The following KCND2 variants were observed in gnomAD, a reference collection of about 807,000 sequenced individuals.
KCND2 encodes the protein potassium voltage-gated channel subfamily D member 2.
In KCND2, 16 loss-of-function variants were observed where a neutral mutation model predicts 54.4. That is an observed-to-expected ratio of 0.29 (90% CI 0.20 to 0.45). The LOEUF (loss-of-function observed/expected upper bound fraction) is 0.45. Ranked by LOEUF, KCND2 falls within the 20% of genes least tolerant of loss-of-function variation. The pLI, the probability that KCND2 is intolerant of heterozygous loss-of-function variation, is 1.00. For synonymous variants in KCND2, 317 were observed against 310.7 expected, an observed-to-expected ratio of 1.02 and a Z score of -0.21; for missense variants, 486 against 824.2, an observed-to-expected ratio of 0.59 and a Z score of 5.02.
At chr7:120,619,616 A>T (rs1026466815) in intron 1 of KCND2, among the ~76,000 whole-genome samples, 1 of 152,218 alleles carries the variant, frequency 6.6e-6, no homozygotes, top group Non-Finnish European at 1.5e-5. Context: ...TTCACTGTTC[A>T]TGCAGACACT....
chr7:120,341,122 T>C (rs1800234295), intron 1 of KCND2, among the ~76,000 whole-genome samples: 1 of 152,134 alleles, frequency 6.6e-6, no homozygotes, highest in African/African-American at 2.4e-5. Flanking sequence ...TATGAGGCTG[T>C]GAGACTTTCT....
At chr7:120,588,871 A>G (rs941143996) in intron 1 of KCND2, among the ~76,000 whole-genome samples, 6 of 152,306 alleles carry the variant, frequency 3.9e-5, no homozygotes, top group African/African-American at 1.4e-4. Context: ...TGCCCATCTG[A>G]CAGAATTTTA....
intron 1 of KCND2, among the ~76,000 whole-genome samples, chr7:120,610,436 A>G (rs1792938059): frequency 6.6e-6 from 1 of 152,140 alleles, no homozygotes; most frequent in Non-Finnish European, 1.5e-5. Flanking sequence ...ACCAAAATGA[A>G]GGGAAAATAG....
At chr7:120,538,605 G>A (rs1207801035) in intron 1 of KCND2, among the ~76,000 whole-genome samples, 1 of 152,150 alleles carries the variant, frequency 6.6e-6, no homozygotes, top group Non-Finnish European at 1.5e-5. Context: ...GGCACTGCTG[G>A]CAGCTGGGCT....
chr7:120,541,760 C>G (rs1197892747), intron 1 of KCND2, among the ~76,000 whole-genome samples: 1 of 152,070 alleles, frequency 6.6e-6, no homozygotes, highest in Non-Finnish European at 1.5e-5. Flanking sequence ...AATTCTTCAG[C>G]TCAGGATCAA....
At chr7:120,514,376 C>G (rs996607790) in intron 1 of KCND2, among the ~76,000 whole-genome samples, 1 of 152,028 alleles carries the variant, frequency 6.6e-6, no homozygotes, top group African/African-American at 2.4e-5. Flanking sequence ...AGTCATCGTT[C>G]AGGTTTCTCG....
At chr7:120,490,155 G>A (rs1176355013) in intron 1 of KCND2, among the ~76,000 whole-genome samples, 1 of 152,054 alleles carries the variant, frequency 6.6e-6, no homozygotes, top group Non-Finnish European at 1.5e-5. Context: ...AAAAATCAGG[G>A]ATTTCAGTAA....
intron 1 of KCND2, among the ~76,000 whole-genome samples, chr7:120,384,113 T>C (rs1440998935): frequency 6.6e-6 from 1 of 152,092 alleles, no homozygotes; most frequent in Non-Finnish European, 1.5e-5. Context: ...GATTACATAT[T>C]ATACCTAATG....
chr7:120,393,989 C>T (rs1801114945), intron 1 of KCND2, among the ~76,000 whole-genome samples: 1 of 151,730 alleles, frequency 6.6e-6, no homozygotes, highest in Non-Finnish European at 1.5e-5. Flanking sequence ...CTTTTTCAGG[C>T]CGTAAATTAT....
chr7:120,390,548 G>A (rs1801058072), intron 1 of KCND2, among the ~76,000 whole-genome samples: 1 of 151,962 alleles, frequency 6.6e-6, no homozygotes, highest in Admixed American at 6.6e-5. Context: ...TTCTTGCAAA[G>A]TGGAATGAGA....
rs140764623 is a variant in KCND2, at chr7:120,370,321, C to T, written c.1115+94574C>T. Among the ~76,000 whole-genome samples the T allele has an allele frequency of 3.2e-4, 49 of 152,002 alleles. No homozygotes were observed. The East Asian group carries it at 7.8e-3, about 24-fold the overall frequency. ...GTGGCCAGATGCAGATCCTGGAGGG[C>T]ACAATTGGCTGATGTTCTTACACTG... On this transcript the variant is annotated intron_variant, in intron 1 of 5. Coordinates refer to ENST00000331113, the MANE Select transcript of KCND2 (RefSeq NM_012281.3).
chr7:120,603,115 A>G (rs1204777550), intron 1 of KCND2, among the ~76,000 whole-genome samples: 1 of 152,242 alleles, frequency 6.6e-6, no homozygotes, highest in Non-Finnish European at 1.5e-5. Context: ...ATACTCATTG[A>G]CATGTGACCT....
intron 1 of KCND2, among the ~76,000 whole-genome samples, chr7:120,278,673 A>G (rs1452757107): frequency 6.6e-6 from 1 of 151,782 alleles, no homozygotes; most frequent in Admixed American, 6.6e-5. Context: ...GTGTATTTGT[A>G]TCACCATTTT....
intron 1 of KCND2, among the ~76,000 whole-genome samples, chr7:120,520,685 G>C (rs141009750): frequency 1.9e-3 from 282 of 152,216 alleles, no homozygotes; most frequent in Middle Eastern, 0.014. Context: ...GGCAAAAGTT[G>C]ACAATAAGTT....
rs1385135945 is a variant in KCND2, at chr7:120,385,263, G to A, written c.1115+109516G>A. ...CTGCCTCAGCCTCTCAAAGTGCTGG[G>A]ATTACAGACATGAGCCACCATGCCC... On this transcript the variant is annotated intron_variant, in intron 1 of 5. Coordinates refer to ENST00000331113, the MANE Select transcript of KCND2 (RefSeq NM_012281.3). Among the ~76,000 whole-genome samples, 3 of 151,726 alleles carry A rather than the reference G, an allele frequency of 2.0e-5. 1 individual carries two copies. Among genetic ancestry groups the A allele is most frequent in the East Asian group, 3.9e-4 (2 of 5,148 alleles).
At chr7:120,661,900 T>A (rs1791870421) in intron 1 of KCND2, among the ~76,000 whole-genome samples, 1 of 152,186 alleles carries the variant, frequency 6.6e-6, no homozygotes. Flanking sequence ...CTACAGGTAT[T>A]TTTAAACAAA....
intron 1 of KCND2, among the ~76,000 whole-genome samples, chr7:120,716,925 T>C (rs984617809): frequency 3.9e-5 from 6 of 152,018 alleles, no homozygotes; most frequent in African/African-American, 1.4e-4. Flanking sequence ...AACTCAATAT[T>C]TTTTTTCTAT....
chr7:120,693,584 G>A (rs1277722356), intron 1 of KCND2, among the ~76,000 whole-genome samples: 3 of 152,124 alleles, frequency 2.0e-5, no homozygotes, highest in Admixed American at 2.0e-4. Flanking sequence ...GAGGAAGAGG[G>A]AAAAAGGAAA....
intron 1 of KCND2, among the ~76,000 whole-genome samples, chr7:120,487,631 G>A (rs1486331469): frequency 1.3e-5 from 2 of 152,120 alleles, no homozygotes; most frequent in African/African-American, 4.8e-5. Context: ...CAGGTGGGAG[G>A]TCCAAATGCA....
Sources: allele counts gnomAD v4.1 joint callset (sites outside exome capture counted in the v4.1 genomes callset), GRCh38; gene constraint gnomAD v4.1.1; transcripts MANE v1.5; gene names NCBI Gene and HGNC (gene_info 2026-07-23, HGNC 2026-07-21).